The following LMBRD2 variants were observed in gnomAD, a reference collection of about 807,000 sequenced individuals.
LMBRD2 encodes the protein G protein-coupled receptor-associated protein LMBRD2.
Under a neutral mutation model 94.4 loss-of-function variants are expected in LMBRD2, and 55 were observed. That is an observed-to-expected ratio of 0.58 (90% CI 0.47 to 0.73). The LOEUF (loss-of-function observed/expected upper bound fraction) is 0.73. Among genes scored for constraint, LMBRD2 ranks in the 30% least tolerant of loss-of-function variants. The pLI is 0.00. For missense variants in LMBRD2, 640 were observed against 831.9 expected, an observed-to-expected ratio of 0.77 and a Z score of 2.84; for synonymous variants, 246 against 272.4, an observed-to-expected ratio of 0.90 and a Z score of 0.95.
At chr5:36,106,471 C>A (rs892656282) in intron 16 of LMBRD2, among the ~76,000 whole-genome samples, 1 of 148,154 alleles carries the variant, frequency 6.7e-6, no homozygotes, top group African/African-American at 2.5e-5. Context: ...AGATTGAAAT[C>A]TTACCTTTAG....
rs374790297 is a variant in LMBRD2 at position 36,128,162 on chromosome 5, C to G, written c.748-3897G>C. 1.4e-4 allele frequency among the ~76,000 whole-genome samples: 21 copies of G among 152,304 alleles called. No homozygotes were observed. The East Asian group carries it at 1.9e-3, about 14-fold the overall frequency. On this transcript the variant is annotated intron_variant, in intron 6 of 17. Coordinates refer to ENST00000296603, the MANE Select transcript of LMBRD2 (RefSeq NM_001007527.2). ...ATCTTATCCAAGACCACCAAGGTGG[C>G]ACACATCTCCAAGTTTGCAAGAACC...
At position 36,101,747 on chromosome 5, in the gene LMBRD2, A is replaced by G. The variant is rs1350801187; in HGVS notation, c.*2299T>C. 6.6e-6 allele frequency: 1 copy of G among 151,922 alleles called. No individual in the cohort carries two copies. Among genetic ancestry groups the G allele is most frequent in the Non-Finnish European group, 1.5e-5 (1 of 67,856 alleles). 9.4% of individuals were successfully genotyped at this position (151,922 alleles called of 1,614,324 possible). The stretch of plus-strand genomic sequence containing the variant: ...GTTGAATATTCTGAATCACTGAAAC[A>G]ACCAAATATTTTAAATATAACTTGA... On this transcript the variant is annotated 3_prime_UTR_variant, in exon 18 of 18. Coordinates refer to ENST00000296603, the MANE Select transcript of LMBRD2 (RefSeq NM_001007527.2).
At chr5:36,121,034 C>T (rs1483881109) in intron 9 of LMBRD2, among the ~76,000 whole-genome samples, 5 of 152,126 alleles carry the variant, frequency 3.3e-5, no homozygotes, top group Non-Finnish European at 5.9e-5. Flanking sequence ...TGGTTCCCTA[C>T]ACATTGATGG....
In LMBRD2 at chr5:36,117,665, C is replaced by A. The variant is rs1743789644; in HGVS notation, c.1302+70G>T. 4.6e-6 allele frequency: 5 copies of A among 1,091,494 alleles called. No individual in the cohort carries two copies. In the African/African-American group the frequency reaches 4.8e-5, roughly 11 times the overall value. 67.6% of individuals were successfully genotyped at this position (1,091,494 alleles called of 1,614,324 possible). On this transcript the variant is annotated intron_variant, in intron 10 of 17. Transcript: ENST00000296603. ...GCTTTCATTTTTACTAGAAGAAATA[C>A]ATGGAGAAAATAGTTAAGGATTATA...
intron 11 of LMBRD2, 76 bp from the exon 12 acceptor site, chr5:36,115,196 T>A (rs1743711849): frequency 2.5e-6 from 2 of 815,828 alleles, no homozygotes; most frequent in Non-Finnish European, 3.8e-6. Flanking sequence ...TGAGATGTAT[T>A]AAAAACATTT....
At chr5:36,110,852 G>A (rs1743588262) in intron 14 of LMBRD2, among the ~76,000 whole-genome samples, 2 of 151,916 alleles carry the variant, frequency 1.3e-5, no homozygotes, top group African/African-American at 2.4e-5. Flanking sequence ...ACAGAGCTTC[G>A]CAAATATGTT....
chr5:36,118,429 A>T (rs116630480), intron 9 of LMBRD2, among the ~76,000 whole-genome samples: 2,676 of 152,188 alleles, frequency 0.018, 74 homozygotes, highest in African/African-American at 0.06. Context: ...ATAAATATTA[A>T]TTTTTTTATT....
chr5:36,141,086 T>C, intron 4 of LMBRD2, 21 bp downstream of exon 4: 1 of 1,421,050 alleles, frequency 7.0e-7, no homozygotes, highest in South Asian at 1.2e-5. Context: ...TTTAAAAATT[T>C]TATCATTTAC....
intron 4 of LMBRD2, 69 bp downstream of exon 4, chr5:36,141,038 A>G: frequency 1.2e-6 from 1 of 822,688 alleles, no homozygotes; most frequent in African/African-American, 1.7e-5. Flanking sequence ...ATTCCAAACT[A>G]TATTGATTGA....
intron 6 of LMBRD2, among the ~76,000 whole-genome samples, chr5:36,134,515 G>T (rs1744224032): frequency 6.6e-6 from 1 of 152,054 alleles, no homozygotes. Flanking sequence ...ACTGGAGTGG[G>T]ATGAACTCTA....
At position 36,099,164 on chromosome 5, in the gene LMBRD2, A is replaced by C. The variant is rs1454095599; in HGVS notation, c.*4882T>G. 1 of 152,102 alleles carries C rather than the reference A, an allele frequency of 6.6e-6. No homozygotes were observed. The highest frequency in any genetic ancestry group is 2.1e-4 in the South Asian group (1 of 4,832). 9.4% of individuals were successfully genotyped at this position (152,102 alleles called of 1,614,324 possible). A position where few individuals can be genotyped will look rare whatever the true frequency, so the allele number is the denominator to read the frequency against. On this transcript the variant is annotated 3_prime_UTR_variant, in exon 18 of 18. Transcript: ENST00000296603. ...TCACACTGGACTACTGAACTTTAGA[A>C]TACTGTCCTAAGGAAATAGGTCTGG...
At position 36,112,306 on chromosome 5, in the gene LMBRD2, G is replaced by A. The variant is rs138237958; in HGVS notation, c.1641-1048C>T. Among the ~76,000 whole-genome samples, 715 of 152,098 alleles carry A rather than the reference G, an allele frequency of 4.7e-3. 4 individuals carry two copies. Among genetic ancestry groups the A allele is most frequent in the Non-Finnish European group, 7.7e-3 (523 of 67,982 alleles). ...TATCCTTATGGGAGTACTATACTCC[G>A]GGATGAGAAGCTCAGAATTAGATCA... On this transcript the variant is annotated intron_variant, in intron 13 of 17. Transcript: ENST00000296603.
Position 36,114,665 on chromosome 5 carries a change from A to T in LMBRD2, c.1543-144T>A, listed in dbSNP as rs371518155. 2,410 of 1,041,308 alleles carry T rather than the reference A, an allele frequency of 2.3e-3. 128 individuals carry two copies. In the South Asian group the frequency reaches 0.069, roughly 30 times the overall value. The allele number at this position is 1,041,308 out of a possible 1,614,324, so 64.5% of individuals were successfully genotyped here. ...TAGAAAAAAAGCAGTAAATGGACTTATTTTTTAAAATCTGCTTTTTATTGA... is the reference window on the plus strand; with the variant it reads ...TAGAAAAAAAGCAGTAAATGGACTTTTTTTTTAAAATCTGCTTTTTATTGA... On this transcript the variant is annotated intron_variant, in intron 12 of 17. Coordinates refer to ENST00000296603, the MANE Select transcript of LMBRD2 (RefSeq NM_001007527.2).
In LMBRD2 at chr5:36,101,669, T is replaced by C. The variant is rs2111830584; in HGVS notation, c.*2377A>G. 1 of 151,990 alleles carries C rather than the reference T, an allele frequency of 6.6e-6. No homozygotes were observed. Among genetic ancestry groups the C allele is most frequent in the East Asian group, 1.9e-4 (1 of 5,176 alleles). 9.4% of individuals were successfully genotyped at this position (151,990 alleles called of 1,614,324 possible). On this transcript the variant is annotated 3_prime_UTR_variant, in exon 18 of 18. Coordinates refer to ENST00000296603, the MANE Select transcript of LMBRD2 (RefSeq NM_001007527.2). ...CTGAACTCAAATTTATCCAACAAAA[T>C]AACATTTTTATATGATTGTATATAA...
chr5:36,136,220 T>G, intron 6 of LMBRD2, 89 bp downstream of exon 6: 1 of 1,192,268 alleles, frequency 8.4e-7, no homozygotes. Flanking sequence ...AGCCCATCAA[T>G]GCACTAACAA....
chr5:36,113,576 ATC>A (rs1418355729), intron 13 of LMBRD2, among the ~76,000 whole-genome samples: 1 of 152,144 alleles, frequency 6.6e-6, no homozygotes, highest in African/African-American at 2.4e-5. Context: ...TTTAAACAAT[ATC>A]TGTTTACTCA....
intron 4 of LMBRD2, among the ~76,000 whole-genome samples, chr5:36,138,333 A>G (rs1409577656): frequency 2.0e-5 from 3 of 152,256 alleles, no homozygotes; most frequent in Non-Finnish European, 4.4e-5. Flanking sequence ...TGGGTAGGAT[A>G]AACTATGGCA....
chr5:36,140,644 C>T (rs267763), intron 4 of LMBRD2, among the ~76,000 whole-genome samples: 2,203 of 152,260 alleles, frequency 0.014, 55 homozygotes, highest in African/African-American at 0.051. Context: ...GGAAAGTAGT[C>T]ATCTGCTAAG....
At chr5:36,146,893 T>C (rs1181084185) in intron 1 of LMBRD2, among the ~76,000 whole-genome samples, 1 of 151,936 alleles carries the variant, frequency 6.6e-6, no homozygotes, top group South Asian at 2.1e-4. Flanking sequence ...AATTAACATA[T>C]CTATCTCCTC....
Sources: gnomAD v4.1 joint callset for allele counts (sites outside exome capture counted in the v4.1 genomes callset) on GRCh38, gnomAD v4.1.1 for gene constraint, MANE v1.5 for transcripts, NCBI Gene and HGNC (gene_info 2026-07-23, HGNC 2026-07-21) for gene names.